Variants in CNTN5 observed in about 807,000 individuals in gnomAD.
CNTN5 encodes contactin-5.
CNTN5 carries 77 observed loss-of-function variants against 129.1 expected under a neutral mutation model. The observed-to-expected ratio is 0.60, with a 90% CI of 0.50 to 0.72. The LOEUF is 0.72. Among genes scored for constraint, CNTN5 ranks in the 30% least tolerant of loss-of-function variants. The pLI is 0.00. For missense variants in CNTN5, 1,478 were observed against 1,328.8 expected (o/e 1.11, Z -1.75); for synonymous variants, 509 against 465.6 (o/e 1.09, Z -1.20).
intron 1 of CNTN5, among the ~76,000 whole-genome samples, chr11:99,198,912 C>T (rs1395173278): frequency 6.6e-6 from 1 of 152,042 alleles, no homozygotes; most frequent in Non-Finnish European, 1.5e-5. Context: ...CATATTCTAG[C>T]ATGTATCTTC....
chr11:99,112,000 C>A (rs1331955333), intron 1 of CNTN5, among the ~76,000 whole-genome samples: 2 of 151,976 alleles, frequency 1.3e-5, no homozygotes, highest in African/African-American at 4.8e-5. Context: ...AATTGCATAA[C>A]TCAACTTCTC....
intron 1 of CNTN5, among the ~76,000 whole-genome samples, chr11:99,023,578 C>G (rs1030682976): frequency 2.0e-5 from 3 of 152,138 alleles, no homozygotes; most frequent in African/African-American, 7.2e-5. Context: ...GGCTGTAATA[C>G]TGTGAAGATG....
intron 13 of CNTN5, among the ~76,000 whole-genome samples, chr11:100,097,756 T>C (rs1945059197): frequency 6.6e-6 from 1 of 152,112 alleles, no homozygotes; most frequent in South Asian, 2.1e-4. Context: ...TCTTTAATTT[T>C]TAGGGACTGA....
intron 8 of CNTN5, among the ~76,000 whole-genome samples, chr11:99,978,953 G>A (rs576707793): frequency 1.8e-4 from 28 of 152,276 alleles, no homozygotes; most frequent in Non-Finnish European, 3.8e-4. Context: ...TTTTGAGGTA[G>A]GCTTAATTAG....
chr11:99,883,381 A>T (rs1235485467), intron 6 of CNTN5, among the ~76,000 whole-genome samples: 1 of 152,120 alleles, frequency 6.6e-6, no homozygotes, highest in Non-Finnish European at 1.5e-5. Flanking sequence ...GGCATTCGTT[A>T]TCTCCTGTCT....
rs538006965 is a variant in CNTN5, at chr11:99,305,945, C to T, written c.-209-19401C>T. Among the ~76,000 whole-genome samples the T allele has an allele frequency of 1.4e-4, 22 of 151,732 alleles. 1 individual carries two copies. The South Asian group carries it at 4.6e-3, about 32-fold the overall frequency. On this transcript the variant is annotated intron_variant, in intron 1 of 24. Coordinates refer to ENST00000524871, the MANE Select transcript of CNTN5 (RefSeq NM_014361.4). ...GCAGGGAGCCGAGATCTCGTCTCTGCACTCTAGCCTGGGTGACACAGTGAA... is the reference window on the plus strand; with the variant it reads ...GCAGGGAGCCGAGATCTCGTCTCTGTACTCTAGCCTGGGTGACACAGTGAA...
intron 2 of CNTN5, among the ~76,000 whole-genome samples, chr11:99,342,847 C>T (rs1233056746): frequency 6.6e-6 from 1 of 151,872 alleles, no homozygotes; most frequent in Non-Finnish European, 1.5e-5. Flanking sequence ...TAATTAGAAC[C>T]AGACAAACTT....
chr11:99,733,281 C>T (rs1050613729), intron 3 of CNTN5, among the ~76,000 whole-genome samples: 1 of 149,342 alleles, frequency 6.7e-6, no homozygotes, highest in Non-Finnish European at 1.5e-5. Context: ...GAGATCGTGC[C>T]ACTGCACTCC....
chr11:99,974,167 A>G (rs77053569), intron 8 of CNTN5, among the ~76,000 whole-genome samples: 53 of 152,342 alleles, frequency 3.5e-4, no homozygotes, highest in African/African-American at 1.1e-3. Context: ...TCATTTAGTC[A>G]TCACAGCAAA....
At chr11:99,158,990 G>A (rs529010844) in intron 1 of CNTN5, among the ~76,000 whole-genome samples, 1 of 152,042 alleles carries the variant, frequency 6.6e-6, no homozygotes, top group Non-Finnish European at 1.5e-5. Context: ...TATAGATGTA[G>A]AATTAATGGA....
intron 3 of CNTN5, among the ~76,000 whole-genome samples, chr11:99,662,606 GTAA>G (rs1952636690): frequency 6.6e-6 from 1 of 152,130 alleles, no homozygotes; most frequent in South Asian, 2.1e-4. Flanking sequence ...AGAATCTGAT[GTAA>G]TAATGACAGT....
intron 3 of CNTN5, among the ~76,000 whole-genome samples, chr11:99,784,032 G>A (rs931970902): frequency 2.6e-5 from 4 of 152,002 alleles, no homozygotes; most frequent in African/African-American, 9.7e-5. Context: ...TAAAAGCTGT[G>A]TGCCTTGATA....
At chr11:99,918,017 C>G (rs1949838637) in intron 7 of CNTN5, among the ~76,000 whole-genome samples, 1 of 152,040 alleles carries the variant, frequency 6.6e-6, no homozygotes, top group South Asian at 2.1e-4. Context: ...TATTTACAAG[C>G]TTCTTATTTT....
At chr11:99,282,276 A>G (rs1053546779) in intron 1 of CNTN5, among the ~76,000 whole-genome samples, 2 of 152,104 alleles carry the variant, frequency 1.3e-5, no homozygotes, top group African/African-American at 4.8e-5. Flanking sequence ...ATAAGCTATT[A>G]TGACAGAGAA....
rs980695177 is a variant in CNTN5, at chr11:99,599,361, T to C, written c.55+43092T>C. On this transcript the variant is annotated intron_variant, in intron 3 of 24. Coordinates refer to ENST00000524871, the MANE Select transcript of CNTN5 (RefSeq NM_014361.4). The stretch of plus-strand genomic sequence containing the variant: ...GATTTTCTGAGAGATTTTTTTAACA[T>C]TGATTTAGCCATTTAGAAATGGATT... Among the ~76,000 whole-genome samples the C allele has an allele frequency of 2.8e-4, 42 of 152,114 alleles. 1 individual carries two copies. Among genetic ancestry groups the C allele is most frequent in the Admixed American group, 1.3e-4 (2 of 15,262 alleles).
At chr11:99,240,075 C>A (rs1861473633) in intron 1 of CNTN5, among the ~76,000 whole-genome samples, 1 of 152,124 alleles carries the variant, frequency 6.6e-6, no homozygotes, top group South Asian at 2.1e-4. Context: ...TCATTTTAGG[C>A]CACAAATTAA....
rs968834059 is a variant in CNTN5, at chr11:100,035,108, C to T, written c.981-26104C>T. ...TTAGCATGAGGTATACCTCCTAATG[C>T]TATCCCTCCCCACTCCTCCCACCCC... On this transcript the variant is annotated intron_variant, in intron 9 of 24. Transcript: ENST00000524871. Among the ~76,000 whole-genome samples, 6 of 152,244 alleles carry T rather than the reference C, an allele frequency of 3.9e-5. No individual in the cohort carries two copies. The East Asian group carries it at 1.2e-3, about 29-fold the overall frequency.
intron 3 of CNTN5, among the ~76,000 whole-genome samples, chr11:99,578,978 T>C (rs1436736718): frequency 6.6e-6 from 1 of 152,124 alleles, no homozygotes; most frequent in Non-Finnish European, 1.5e-5. Context: ...ACCATGTAAG[T>C]CTTTAATCCA....
chr11:99,897,107 C>A (rs993331127), intron 6 of CNTN5, among the ~76,000 whole-genome samples: 1 of 151,016 alleles, frequency 6.6e-6, no homozygotes, highest in African/African-American at 2.4e-5. Flanking sequence ...CAGTCAGTTG[C>A]AAATAAAGAA....
Sources: allele counts gnomAD v4.1 joint callset (sites outside exome capture counted in the v4.1 genomes callset), GRCh38; gene constraint gnomAD v4.1.1; transcripts MANE v1.5; gene names NCBI Gene and HGNC (gene_info 2026-07-23, HGNC 2026-07-21).